Variants in NTM observed in about 807,000 individuals in gnomAD.
NTM encodes IgLON family member 2.
In NTM, 13 loss-of-function variants were observed where a neutral mutation model predicts 42.1. That is an observed-to-expected ratio of 0.31 (90% confidence interval 0.20 to 0.49). The LOEUF (loss-of-function observed/expected upper bound fraction) is 0.49. NTM is among the 20% of genes least tolerant of loss of function. The pLI, the probability that NTM is intolerant of heterozygous loss-of-function variation, is 0.99. For missense variants in NTM, 373 were observed against 452.8 expected (o/e 0.82, Z 1.60); for synonymous variants, 187 against 179.2 (o/e 1.04, Z -0.35).
At chr11:131,952,314 T>G (rs535327778) in intron 2 of NTM, among the ~76,000 whole-genome samples, 1 of 152,342 alleles carries the variant, frequency 6.6e-6, no homozygotes, top group South Asian at 2.1e-4. Context: ...ACTACCAGGA[T>G]CTATGTTCCT....
intron 2 of NTM, among the ~76,000 whole-genome samples, chr11:131,987,966 GC>G (rs2066360588): frequency 1.3e-5 from 2 of 152,214 alleles, no homozygotes; most frequent in Non-Finnish European, 2.9e-5. Context: ...CAATCTGGTT[GC>G]TGTAACAAAA....
chr11:131,814,576 A>G (rs1300584445), intron 1 of NTM, among the ~76,000 whole-genome samples: 2 of 152,236 alleles, frequency 1.3e-5, no homozygotes, highest in African/African-American at 4.8e-5. Context: ...AAATGTATCA[A>G]TGGTGTGGAT....
At chr11:131,450,796 A>C (rs968243151) in intron 1 of NTM, among the ~76,000 whole-genome samples, 4 of 152,262 alleles carry the variant, frequency 2.6e-5, no homozygotes, top group East Asian at 3.8e-4. Flanking sequence ...CTACCTCTAA[A>C]TAATTAAATT....
At chr11:131,783,447 T>G (rs1286503692) in intron 1 of NTM, among the ~76,000 whole-genome samples, 2 of 152,096 alleles carry the variant, frequency 1.3e-5, no homozygotes, top group African/African-American at 4.8e-5. Flanking sequence ...TCTCAGCATA[T>G]TTTTGGGGAG....
chr11:131,688,105 A>G (rs549116998), intron 1 of NTM, among the ~76,000 whole-genome samples: 1 of 152,284 alleles, frequency 6.6e-6, no homozygotes, highest in Admixed American at 6.5e-5. Flanking sequence ...GGCAGTTCTC[A>G]CATCTGGATG....
intron 3 of NTM, among the ~76,000 whole-genome samples, chr11:132,209,694 C>T (rs1017816937): frequency 7.9e-5 from 12 of 152,178 alleles, no homozygotes; most frequent in Non-Finnish European, 1.6e-4. Context: ...AGGTCACATC[C>T]TCTTCAGGTT....
intron 1 of NTM, among the ~76,000 whole-genome samples, chr11:131,751,564 T>G (rs953207866): frequency 1.4e-5 from 2 of 145,902 alleles, no homozygotes; most frequent in African/African-American, 5.1e-5. Flanking sequence ...CACTCTGGCC[T>G]GGGCAAAAGA....
chr11:131,494,701 T>A (rs1192571338), intron 1 of NTM, among the ~76,000 whole-genome samples: 2 of 152,164 alleles, frequency 1.3e-5, no homozygotes, highest in Admixed American at 6.5e-5. Flanking sequence ...GAAAAAAAAA[T>A]ATCTCCTACC....
intron 1 of NTM, among the ~76,000 whole-genome samples, chr11:131,519,043 G>A (rs1480004689): frequency 6.6e-6 from 1 of 152,204 alleles, no homozygotes; most frequent in Non-Finnish European, 1.5e-5. Flanking sequence ...GAATAGAAAT[G>A]AGTTTTACCT....
At position 132,233,826 on chromosome 11, in the gene NTM, C is replaced by A. The variant is rs532238024; in HGVS notation, c.526+21679C>A. The stretch of plus-strand genomic sequence containing the variant: ...AAATTCTTATTTTTCTCCATACTCC[C>A]TTTTTGTTGCCTTTCCTCAGCACTC... On this transcript the variant is annotated intron_variant, in intron 4 of 8. Transcript: ENST00000683400. Among the ~76,000 whole-genome samples the A allele has an allele frequency of 1.1e-3, 173 of 152,352 alleles. 1 individual carries two copies. The highest frequency in any genetic ancestry group is 4.1e-3 in the African/African-American group (169 of 41,584).
intron 4 of NTM, among the ~76,000 whole-genome samples, chr11:132,307,126 G>A (rs771149945): frequency 1.6e-4 from 24 of 152,122 alleles, no homozygotes; most frequent in Non-Finnish European, 2.9e-4. Flanking sequence ...AGTTTAGCAC[G>A]TTGATTTCTG....
In NTM at chr11:132,191,670, A is replaced by G. The variant is rs376437336; in HGVS notation, c.401-20352A>G. Among the ~76,000 whole-genome samples, 61 of 152,322 alleles carry G rather than the reference A, an allele frequency of 4.0e-4. 3 individuals are homozygous for G. Among genetic ancestry groups the G allele is most frequent in the African/African-American group, 1.4e-3 (58 of 41,580 alleles). On this transcript the variant is annotated intron_variant, in intron 3 of 8. Transcript: ENST00000683400. ...ACTAGCTACCCAGCAATGGTTCTTA[A>G]GCAGATGGAAATGGCTGAAATGTCA...
chr11:132,074,085 A>G (rs1364776546), intron 2 of NTM, among the ~76,000 whole-genome samples: 1 of 152,174 alleles, frequency 6.6e-6, no homozygotes, highest in East Asian at 1.9e-4. Flanking sequence ...ATTCTCCCTC[A>G]ACTAATTTTT....
intron 4 of NTM, among the ~76,000 whole-genome samples, chr11:132,288,831 G>A (rs892540864): frequency 6.6e-6 from 1 of 152,060 alleles, no homozygotes; most frequent in Non-Finnish European, 1.5e-5. Context: ...ATGTTGGCCA[G>A]GCTGGTCTTG....
chr11:131,394,080 G>A (rs1035284990), intron 1 of NTM, among the ~76,000 whole-genome samples: 6 of 152,188 alleles, frequency 3.9e-5, no homozygotes, highest in African/African-American at 9.7e-5. Flanking sequence ...AAATTGTACC[G>A]GAGAAGCAGG....
chr11:132,132,942 A>G (rs147686206), intron 2 of NTM, among the ~76,000 whole-genome samples: 1 of 152,224 alleles, frequency 6.6e-6, no homozygotes, highest in East Asian at 1.9e-4. Context: ...CACCCAGTGC[A>G]TTGTCAAGCT....
At chr11:131,748,482 C>A (rs529858473) in intron 1 of NTM, among the ~76,000 whole-genome samples, 4 of 152,316 alleles carry the variant, frequency 2.6e-5, no homozygotes, top group African/African-American at 7.2e-5. Flanking sequence ...CATTTCTTTG[C>A]CTTTTGGGAC....
intron 1 of NTM, among the ~76,000 whole-genome samples, chr11:131,861,909 C>A (rs996784868): frequency 1.3e-5 from 2 of 152,108 alleles, no homozygotes. Context: ...CCCAAATGCA[C>A]GTGGGTCTGG....
At chr11:131,525,635 C>T (rs779355415) in intron 1 of NTM, among the ~76,000 whole-genome samples, 2 of 152,192 alleles carry the variant, frequency 1.3e-5, no homozygotes, top group Non-Finnish European at 2.9e-5. Flanking sequence ...ATGAAAAGGT[C>T]ATCCGACTAC....
Sources: allele counts gnomAD v4.1 joint callset (sites outside exome capture counted in the v4.1 genomes callset), GRCh38; gene constraint gnomAD v4.1.1; transcripts MANE v1.5; gene names NCBI Gene and HGNC (gene_info 2026-07-23, HGNC 2026-07-21).